The following TMEM132D variants were observed in gnomAD, a reference collection of about 807,000 sequenced individuals.
TMEM132D encodes transmembrane protein 132D.
In TMEM132D, 21 loss-of-function variants were observed where a neutral mutation model predicts 62.3. That is an observed-to-expected ratio of 0.34 (90% CI 0.24 to 0.49). The LOEUF (loss-of-function observed/expected upper bound fraction) is 0.49, where lower values mean the gene tolerates loss of function less well. Among genes scored for constraint, TMEM132D ranks in the 20% least tolerant of loss-of-function variants. The pLI, the probability that TMEM132D is intolerant of heterozygous loss-of-function variation, is 0.99. For synonymous variants in TMEM132D, 621 were observed against 575.6 expected (o/e 1.08, Z -1.13); for missense variants, 1,346 against 1,402.8 (o/e 0.96, Z 0.65).
At chr12:129,755,393 C>T (rs963611335) in intron 1 of TMEM132D, among the ~76,000 whole-genome samples, 1 of 152,102 alleles carries the variant, frequency 6.6e-6, no homozygotes, top group African/African-American at 2.4e-5. Flanking sequence ...GAGTAGTATG[C>T]TTTGACACTA....
At chr12:129,172,757 T>C (rs774401748) in intron 5 of TMEM132D, among the ~76,000 whole-genome samples, 42 of 152,152 alleles carry the variant, frequency 2.8e-4, no homozygotes, top group Non-Finnish European at 7.4e-5. Context: ...TTTGTATTTT[T>C]AGTAGAGACA....
At chr12:129,315,214 C>A (rs1306249769) in intron 4 of TMEM132D, among the ~76,000 whole-genome samples, 1 of 152,098 alleles carries the variant, frequency 6.6e-6, no homozygotes, top group African/African-American at 2.4e-5. Context: ...GCATCCTTGT[C>A]TTGTTCCACT....
chr12:129,760,991 G>A (rs769760368), intron 1 of TMEM132D, among the ~76,000 whole-genome samples: 1 of 151,698 alleles, frequency 6.6e-6, no homozygotes, highest in Non-Finnish European at 1.5e-5. Flanking sequence ...GGACACAACT[G>A]TTTCTTTATA....
At chr12:129,811,054 GGACA>G (rs1872161833) in intron 1 of TMEM132D, among the ~76,000 whole-genome samples, 1 of 150,716 alleles carries the variant, frequency 6.6e-6, no homozygotes, top group South Asian at 2.2e-4. Flanking sequence ...ATAAATGTAA[GGACA>G]GAAAGATTCC....
At chr12:129,452,854 T>C (rs757483358) in intron 3 of TMEM132D, among the ~76,000 whole-genome samples, 1 of 152,214 alleles carries the variant, frequency 6.6e-6, no homozygotes, top group Admixed American at 6.5e-5. Flanking sequence ...GTTTCTTTCG[T>C]AACATTTAAA....
At chr12:129,797,498 C>T (rs1456205548) in intron 1 of TMEM132D, among the ~76,000 whole-genome samples, 1 of 152,224 alleles carries the variant, frequency 6.6e-6, no homozygotes, top group African/African-American at 2.4e-5. Context: ...CTGCAGGATG[C>T]TTCACTGCAC....
chr12:129,755,713 T>C lies in TMEM132D; in HGVS notation c.80-55015A>G, dbSNP rs535821089. Among the ~76,000 whole-genome samples, 59 of 152,306 alleles carry C rather than the reference T, an allele frequency of 3.9e-4. 2 individuals carry two copies. In the South Asian group the frequency reaches 0.012, roughly 30 times the overall value. ...GAATCTGGAAAGATAGGGAAGAGAA[T>C]GGGCTAGACTTTAGAGAGCATACTC... On this transcript the variant is annotated intron_variant, in intron 1 of 8. Coordinates refer to ENST00000422113, the MANE Select transcript of TMEM132D (RefSeq NM_133448.3).
chr12:129,130,015 C>CTGTGTGTGTGTGTGTGTGTG (rs59282376), intron 5 of TMEM132D, among the ~76,000 whole-genome samples: 2 of 141,854 alleles, frequency 1.4e-5, no homozygotes, highest in Non-Finnish European at 3.1e-5. Context: ...AAGCTCTGCT[C>CTGTGTGTGTGTGTGTGTGTG]TGTGTGTGTG....
At chr12:129,413,948 A>G (rs1250817344) in intron 3 of TMEM132D, among the ~76,000 whole-genome samples, 2 of 152,244 alleles carry the variant, frequency 1.3e-5, no homozygotes, top group African/African-American at 4.8e-5. Flanking sequence ...AAATGAAATT[A>G]AAATATTTGA....
intron 3 of TMEM132D, among the ~76,000 whole-genome samples, chr12:129,451,913 T>G (rs898004100): frequency 1.3e-5 from 2 of 152,142 alleles, no homozygotes; most frequent in African/African-American, 4.8e-5. Context: ...CCTGGGAGCA[T>G]TGCTACCTCT....
chr12:129,163,046 C>T (rs1877445181), intron 5 of TMEM132D, among the ~76,000 whole-genome samples: 1 of 152,180 alleles, frequency 6.6e-6, no homozygotes, highest in African/African-American at 2.4e-5. Context: ...ACACCACGTC[C>T]TGGGGGTGGA....
chr12:129,480,275 G>T (rs945049022), intron 3 of TMEM132D, among the ~76,000 whole-genome samples: 5 of 152,218 alleles, frequency 3.3e-5, no homozygotes, highest in Non-Finnish European at 7.3e-5. Context: ...GTCAGAGAAG[G>T]AACAGGGGAG....
intron 2 of TMEM132D, among the ~76,000 whole-genome samples, chr12:129,559,584 G>A (rs1185713759): frequency 6.6e-6 from 1 of 152,148 alleles, no homozygotes; most frequent in East Asian, 1.9e-4. Context: ...TACCATCTAA[G>A]AGCATAAATG....
intron 5 of TMEM132D, among the ~76,000 whole-genome samples, chr12:129,106,769 T>C (rs749513731): frequency 5.3e-5 from 8 of 152,130 alleles, no homozygotes; most frequent in Admixed American, 1.3e-4. Flanking sequence ...TCACCTCTGA[T>C]TGGAAACACT....
chr12:129,350,486 T>C (rs1040126130), intron 3 of TMEM132D, among the ~76,000 whole-genome samples: 1 of 152,202 alleles, frequency 6.6e-6, no homozygotes, highest in African/African-American at 2.4e-5. Flanking sequence ...ATCCCGTTTA[T>C]TCCCGTGAGC....
At chr12:129,896,243 C>T (rs1875125720) in intron 1 of TMEM132D, among the ~76,000 whole-genome samples, 1 of 151,904 alleles carries the variant, frequency 6.6e-6, no homozygotes, top group Admixed American at 6.6e-5. Flanking sequence ...CCACCTGGGC[C>T]CCCCAAAGAG....
intron 3 of TMEM132D, among the ~76,000 whole-genome samples, chr12:129,497,001 C>A (rs1011423584): frequency 1.3e-5 from 2 of 152,136 alleles, no homozygotes; most frequent in African/African-American, 4.8e-5. Flanking sequence ...TTCCTTCTTG[C>A]GTCTCTGCAT....
intron 4 of TMEM132D, among the ~76,000 whole-genome samples, chr12:129,313,361 C>T (rs1381213580): frequency 6.6e-6 from 1 of 152,090 alleles, no homozygotes; most frequent in African/African-American, 2.4e-5. Context: ...TTGGATCATC[C>T]TTATGCCTTT....
At chr12:129,655,342 G>A (rs1054238455) in intron 2 of TMEM132D, among the ~76,000 whole-genome samples, 1 of 151,302 alleles carries the variant, frequency 6.6e-6, no homozygotes, top group African/African-American at 2.4e-5. Flanking sequence ...CGCCTCCCTG[G>A]TTCAAGCAAT....
Sources: gnomAD v4.1 joint callset for allele counts (sites outside exome capture counted in the v4.1 genomes callset) on GRCh38, gnomAD v4.1.1 for gene constraint, MANE v1.5 for transcripts, NCBI Gene and HGNC (gene_info 2026-07-23, HGNC 2026-07-21) for gene names.